Variants in HCN1 observed in about 807,000 individuals in gnomAD.
HCN1 encodes the protein hyperpolarization activated cyclic nucleotide gated potassium channel 1, also known as potassium/sodium hyperpolarization-activated cyclic nucleotide-gated channel 1.
Under a neutral mutation model 78.9 loss-of-function variants are expected in HCN1, and 13 were observed. The ratio of observed to expected loss-of-function variants is 0.16; its 90% CI spans 0.11 to 0.26. The LOEUF (loss-of-function observed/expected upper bound fraction) is 0.26. HCN1 is among the 10% of genes least tolerant of loss of function. HCN1 has a pLI of 1.00. For missense variants in HCN1, 810 were observed against 1,154.3 expected, an observed-to-expected ratio of 0.70 and a Z score of 4.32; for synonymous variants, 552 against 455.5, an observed-to-expected ratio of 1.21 and a Z score of -2.70.
At chr5:45,382,695 G>A (rs971964211) in intron 4 of HCN1, among the ~76,000 whole-genome samples, 1 of 152,128 alleles carries the variant, frequency 6.6e-6, no homozygotes, top group African/African-American at 2.4e-5. Context: ...AATAACACCT[G>A]ATGAATTAAT....
intron 2 of HCN1, among the ~76,000 whole-genome samples, chr5:45,610,989 C>T (rs138095424): frequency 6.6e-6 from 1 of 151,426 alleles, no homozygotes; most frequent in East Asian, 1.9e-4. Flanking sequence ...TTAAGAAATT[C>T]AATGAATATT....
At chr5:45,510,332 G>A (rs936500139) in intron 2 of HCN1, among the ~76,000 whole-genome samples, 4 of 152,024 alleles carry the variant, frequency 2.6e-5, no homozygotes, top group Non-Finnish European at 4.4e-5. Flanking sequence ...ATGAATGTGC[G>A]TATGACACAA....
chr5:45,327,020 T>C, intron 5 of HCN1, among the ~76,000 whole-genome samples: 1 of 151,654 alleles, frequency 6.6e-6, no homozygotes. Flanking sequence ...AATTAAGGAA[T>C]TGTATATTGA....
At chr5:45,614,749 G>A (rs908334291) in intron 2 of HCN1, among the ~76,000 whole-genome samples, 1 of 151,916 alleles carries the variant, frequency 6.6e-6, no homozygotes, top group Non-Finnish European at 1.5e-5. Context: ...AGCAAAATTT[G>A]ATACATATAA....
chr5:45,294,212 G>A (rs994007551), intron 6 of HCN1, among the ~76,000 whole-genome samples: 1 of 151,846 alleles, frequency 6.6e-6, no homozygotes. Context: ...AATAGTCACG[G>A]TGACCATGAT....
At chr5:45,372,229 T>TA (rs1208131408) in intron 4 of HCN1, among the ~76,000 whole-genome samples, 6 of 72,260 alleles carry the variant, frequency 8.3e-5, no homozygotes, top group Non-Finnish European at 1.1e-4. Flanking sequence ...ATATATATAA[T>TA]ATATATTATA....
intron 5 of HCN1, among the ~76,000 whole-genome samples, chr5:45,325,392 A>T (rs1015218792): frequency 2.6e-5 from 4 of 151,756 alleles, no homozygotes; most frequent in Non-Finnish European, 5.9e-5. Context: ...TTGAGAAAGA[A>T]AGCTACATAT....
chr5:45,594,763 T>A (rs1174823191), intron 2 of HCN1, among the ~76,000 whole-genome samples: 1 of 152,204 alleles, frequency 6.6e-6, no homozygotes, highest in African/African-American at 2.4e-5. Flanking sequence ...ACATCTGACA[T>A]TAACCAAATT....
intron 4 of HCN1, among the ~76,000 whole-genome samples, chr5:45,372,071 ATTATATATAATATAATTATATATATATT>A (rs1561127854): frequency 1.3e-4 from 6 of 47,550 alleles, no homozygotes; most frequent in South Asian, 6.2e-4. Context: ...TATATTATAT[ATTATATATAATATAATTATATATATATT>A]TTATATATAA....
intron 1 of HCN1, among the ~76,000 whole-genome samples, chr5:45,654,229 G>A (rs1487869964): frequency 1.3e-5 from 2 of 152,024 alleles, no homozygotes; most frequent in African/African-American, 4.8e-5. Flanking sequence ...AAAGGATACA[G>A]ACCGGAGCAG....
chr5:45,560,106 T>A (rs1312141039), intron 2 of HCN1: 1 of 152,146 alleles, frequency 6.6e-6, no homozygotes, highest in African/African-American at 2.4e-5. Context: ...TACACGTAAC[T>A]TTTTTATATA....
chr5:45,315,416 T>C (rs1026853835), intron 5 of HCN1, among the ~76,000 whole-genome samples: 2 of 152,126 alleles, frequency 1.3e-5, no homozygotes, highest in Non-Finnish European at 2.9e-5. Context: ...TTTAAAGCAG[T>C]GTGTAGAGGG....
chr5:45,331,166 A>G (rs896128230), intron 5 of HCN1, among the ~76,000 whole-genome samples: 9 of 151,428 alleles, frequency 5.9e-5, no homozygotes, highest in African/African-American at 2.2e-4. Flanking sequence ...GGTAAAGTGT[A>G]GAATTCAACT....
intron 4 of HCN1, among the ~76,000 whole-genome samples, chr5:45,356,953 A>G (rs1747016782): frequency 6.6e-6 from 1 of 152,054 alleles, no homozygotes; most frequent in African/African-American, 2.4e-5. Context: ...GATTAACAAG[A>G]CTTGTTCATC....
At chr5:45,652,706 C>T in intron 1 of HCN1, among the ~76,000 whole-genome samples, 1 of 151,904 alleles carries the variant, frequency 6.6e-6, no homozygotes, top group Non-Finnish European at 1.5e-5. Flanking sequence ...ACTAATTAAT[C>T]TTCTAGTCTC....
At chr5:45,396,377 ATT>A (rs1265429900) in intron 4 of HCN1, 113 bp downstream of exon 4, 1 of 854,116 alleles carries the variant, frequency 1.2e-6, no homozygotes, top group Non-Finnish European at 1.9e-6. Context: ...TACTTTAAAC[ATT>A]TTATCTCTTT....
chr5:45,310,197 C>A (rs1182532712), intron 5 of HCN1, among the ~76,000 whole-genome samples: 1 of 151,848 alleles, frequency 6.6e-6, no homozygotes, highest in South Asian at 2.1e-4. Context: ...CTTCTACACA[C>A]CAAAATAAAC....
chr5:45,306,619 G>A (rs1156421975), intron 5 of HCN1, among the ~76,000 whole-genome samples: 2 of 152,010 alleles, frequency 1.3e-5, no homozygotes, highest in Non-Finnish European at 2.9e-5. Flanking sequence ...CTTGTTCTGA[G>A]GATGTCTAGT....
At chr5:45,368,434 T>A (rs1747279050) in intron 4 of HCN1, among the ~76,000 whole-genome samples, 2 of 152,036 alleles carry the variant, frequency 1.3e-5, no homozygotes, top group African/African-American at 4.8e-5. Context: ...ATAGAAATGA[T>A]AAATAATGGA....
Sources: gnomAD v4.1 joint callset for allele counts (sites outside exome capture counted in the v4.1 genomes callset) on GRCh38, gnomAD v4.1.1 for gene constraint, MANE v1.5 for transcripts, NCBI Gene and HGNC (gene_info 2026-07-23, HGNC 2026-07-21) for gene names.